UTRN: variants seen among roughly 807,000 people sequenced by gnomAD.
UTRN encodes utrophin.
Under a neutral mutation model 463.9 loss-of-function variants are expected in UTRN, and 283 were observed. The ratio of observed to expected loss-of-function variants is 0.61; its 90% confidence interval spans 0.55 to 0.67. The LOEUF is 0.67. UTRN is among the 30% of genes least tolerant of loss of function. The pLI, the probability that UTRN is intolerant of heterozygous loss-of-function variation, is 0.00. For synonymous variants in UTRN, 1,442 were observed against 1,431.5 expected (o/e 1.01, Z -0.17); for missense variants, 3,922 against 4,084.3 (o/e 0.96, Z 1.08).
intron 3 of UTRN, among the ~76,000 whole-genome samples, chr6:144,410,968 C>T (rs994119346): frequency 2.2e-4 from 33 of 151,782 alleles, no homozygotes; most frequent in African/African-American, 7.7e-4. Flanking sequence ...AAATGCCTAC[C>T]TCTGATGGGC....
At position 144,591,322 on chromosome 6, in the gene UTRN, C is replaced by T. The variant is rs79768446; in HGVS notation, c.7479+14034C>T. Among the ~76,000 whole-genome samples the T allele has an allele frequency of 6.2e-3, 940 of 152,160 alleles. 13 individuals carry two copies. Among genetic ancestry groups the T allele is most frequent in the East Asian group, 0.059 (303 of 5,174 alleles). On this transcript the variant is annotated intron_variant, in intron 51 of 74. Coordinates refer to ENST00000367545, the MANE Select transcript of UTRN (RefSeq NM_007124.3). ...GAGAAAATAAATCTTTGAAATTTTC[C>T]CTGGGGTTGTTATTTTCTCTGAGTC...
chr6:144,451,449 T>C lies in UTRN; in HGVS notation c.2152T>C (p.Tyr718His), dbSNP rs575205713. 4 of 1,610,624 alleles carry C rather than the reference T, an allele frequency of 2.5e-6. No individual in the cohort carries two copies. The East Asian group carries it at 8.9e-5, about 36-fold the overall frequency. ...TAIQTTEIKE[Y>H]MKMQDTSEMK... ...CATTCAGACCACAGAGATAAAAGAG[T>C]ATATGAAGATGCAAGACACTTCCGA... The change falls in exon 18 of 75, where the codon TAT (tyrosine) becomes CAT (histidine). Residue 718 changes from tyrosine to histidine, a missense_variant. Transcript: ENST00000367545.
rs953269893 is a variant in UTRN, at chr6:144,482,501, T to C, written c.3687+113T>C. ...TAATGTTTTGGCCATTTTCAAATCTTGGAGAAAACTTCTCTTTTCTTTCAA... is the reference window on the plus strand; with the variant it reads ...TAATGTTTTGGCCATTTTCAAATCTCGGAGAAAACTTCTCTTTTCTTTCAA... On this transcript the variant is annotated intron_variant, in intron 27 of 74. Transcript: ENST00000367545. 4.6e-6 allele frequency: 3 copies of C among 659,284 alleles called. No individual in the cohort carries two copies. In the African/African-American group the frequency reaches 5.9e-5, roughly 13 times the overall value. 40.8% of individuals were successfully genotyped at this position (659,284 alleles called of 1,614,324 possible).
chr6:144,813,901 G>A (rs996764803), intron 65 of UTRN, among the ~76,000 whole-genome samples: 2 of 152,140 alleles, frequency 1.3e-5, no homozygotes, highest in Non-Finnish European at 2.9e-5. Context: ...GACCCATCAG[G>A]GCTTCCTTCT....
intron 51 of UTRN, among the ~76,000 whole-genome samples, chr6:144,579,976 G>T (rs561581910): frequency 6.6e-6 from 1 of 152,030 alleles, no homozygotes; most frequent in Non-Finnish European, 1.5e-5. Context: ...AAGTTCCATG[G>T]TTTTATTTTC....
At chr6:144,785,735 C>A (rs969457244) in intron 61 of UTRN, among the ~76,000 whole-genome samples, 1 of 152,054 alleles carries the variant, frequency 6.6e-6, no homozygotes, top group South Asian at 2.1e-4. Context: ...TAAAAATATC[C>A]ACTCTGCTTA....
intron 51 of UTRN, among the ~76,000 whole-genome samples, chr6:144,591,413 A>G (rs1184055529): frequency 6.6e-6 from 1 of 152,214 alleles, no homozygotes; most frequent in African/African-American, 2.4e-5. Flanking sequence ...AAGATCCTGT[A>G]GGATGCTCCT....
At chr6:144,470,724 C>T (rs1790506578) in intron 23 of UTRN, among the ~76,000 whole-genome samples, 1 of 152,000 alleles carries the variant, frequency 6.6e-6, no homozygotes, top group Non-Finnish European at 1.5e-5. Context: ...CACTGCACTC[C>T]AGCCTGGGCA....
chr6:144,618,967 G>A (rs1047146959), intron 51 of UTRN, among the ~76,000 whole-genome samples: 1 of 152,046 alleles, frequency 6.6e-6, no homozygotes. Context: ...CCTTTTTAAA[G>A]ATAAGGATTA....
chr6:144,573,333 C>G (rs1040109012), intron 50 of UTRN, among the ~76,000 whole-genome samples: 1 of 151,962 alleles, frequency 6.6e-6, no homozygotes, highest in Non-Finnish European at 1.5e-5. Flanking sequence ...AGGCAGATCA[C>G]TTGAAGTTGG....
At chr6:144,470,071 G>C (rs964928217) in intron 23 of UTRN, among the ~76,000 whole-genome samples, 1 of 152,226 alleles carries the variant, frequency 6.6e-6, no homozygotes, top group Non-Finnish European at 1.5e-5. Context: ...TCTTAGTACA[G>C]AACAAAATGG....
At chr6:144,417,441 G>A (rs1306053560) in intron 3 of UTRN, among the ~76,000 whole-genome samples, 1 of 152,106 alleles carries the variant, frequency 6.6e-6, no homozygotes, top group Non-Finnish European at 1.5e-5. Context: ...AGATGATGCT[G>A]TTTTTCTCGA....
chr6:144,602,313 A>AT (rs1804339460), intron 51 of UTRN, among the ~76,000 whole-genome samples: 1 of 148,140 alleles, frequency 6.8e-6, no homozygotes, highest in East Asian at 2.0e-4. Context: ...TTTTTTTTGT[A>AT]TTTTTAGTAG....
intron 2 of UTRN, among the ~76,000 whole-genome samples, chr6:144,393,273 C>G (rs1782103202): frequency 6.6e-6 from 1 of 152,140 alleles, no homozygotes; most frequent in Non-Finnish European, 1.5e-5. Context: ...TTTGCAACTC[C>G]TTAACAACAT....
At chr6:144,782,144 A>T in intron 61 of UTRN, 21 bp downstream of exon 61, 1 of 1,543,332 alleles carries the variant, frequency 6.5e-7, no homozygotes. Flanking sequence ...ATTTTTTCTC[A>T]TTAAAATACG....
At chr6:144,671,569 C>G (rs1193926209) in intron 51 of UTRN, among the ~76,000 whole-genome samples, 1 of 151,932 alleles carries the variant, frequency 6.6e-6, no homozygotes, top group African/African-American at 2.4e-5. Context: ...GGTATACAAT[C>G]ATGTCATCAG....
rs775982159 is a variant in UTRN at position 144,447,617 on chromosome 6, A to G, written c.1738A>G (p.Met580Val). 1.2e-6 allele frequency: 2 copies of G among 1,613,048 alleles called. No individual in the cohort carries two copies. Among genetic ancestry groups the G allele is most frequent in the Non-Finnish European group, 1.7e-6 (2 of 1,179,756 alleles). ...VRRLAILKED[M>V]EMKRQTLDQL... The stretch of plus-strand genomic sequence containing the variant: ...GAAATACTAGATTTTGAAGGAAGAC[A>G]TGGAAATGAAGCGTCAAACATTGGA... The change falls in exon 16 of 75, where the codon ATG (methionine) becomes GTG (valine). Residue 580 changes from methionine to valine, a missense_variant. Met to Val is a conservative substitution (Grantham distance 21, BLOSUM62 1). Coordinates refer to ENST00000367545, the MANE Select transcript of UTRN (RefSeq NM_007124.3).
chr6:144,664,029 A>T (rs879465585), intron 51 of UTRN, among the ~76,000 whole-genome samples: 3 of 152,212 alleles, frequency 2.0e-5, no homozygotes, highest in Non-Finnish European at 4.4e-5. Context: ...ACAGACAAGG[A>T]CATTTTCAAT....
At chr6:144,337,946 G>A (rs1776862615) in intron 2 of UTRN, among the ~76,000 whole-genome samples, 3 of 152,080 alleles carry the variant, frequency 2.0e-5, no homozygotes, top group Admixed American at 6.6e-5. Flanking sequence ...TGATGATGGC[G>A]GCTTCGATTT....
Sources: gnomAD v4.1 joint callset for allele counts (sites outside exome capture counted in the v4.1 genomes callset) on GRCh38, gnomAD v4.1.1 for gene constraint, MANE v1.5 for transcripts, NCBI Gene and HGNC (gene_info 2026-07-23, HGNC 2026-07-21) for gene names.